Variants in PTK2 observed in about 807,000 individuals in gnomAD.
PTK2 encodes the protein protein tyrosine kinase 2.
PTK2 carries 45 observed loss-of-function variants against 150.1 expected under a neutral mutation model. The ratio of observed to expected loss-of-function variants is 0.30; its 90% CI spans 0.24 to 0.38. The LOEUF (loss-of-function observed/expected upper bound fraction) is 0.38. Among genes scored for constraint, PTK2 ranks in the 10% least tolerant of loss-of-function variants. PTK2 has a pLI of 1.00. For synonymous variants in PTK2, 432 were observed against 449.2 expected, an observed-to-expected ratio of 0.96 and a Z score of 0.48; for missense variants, 919 against 1,307.3, an observed-to-expected ratio of 0.70 and a Z score of 4.58.
chr8:140,769,704 C>A, intron 14 of PTK2, 112 bp from the exon 16 acceptor site: 8 of 602,718 alleles, frequency 1.3e-5, no homozygotes, highest in East Asian at 5.9e-5. Flanking sequence ...ACAAGTAAAC[C>A]AAAGTGTAAG....
At chr8:140,803,418 A>G (rs943041965) in intron 11 of PTK2, 125 bp downstream of exon 11, 1 of 738,114 alleles carries the variant, frequency 1.4e-6, no homozygotes, top group Admixed American at 2.3e-5. Context: ...AACCCTTTCT[A>G]TATATAAGAA....
Position 140,744,236 on chromosome 8 carries a change from G to A in PTK2, c.1634+416C>T, listed in dbSNP as rs1306747260. 3.9e-5 allele frequency among the ~76,000 whole-genome samples: 6 copies of A among 152,086 alleles called. No individual in the cohort carries two copies. The South Asian group carries it at 6.2e-4, about 16-fold the overall frequency. On this transcript the variant is annotated intron_variant, in intron 19 of 31. Transcript: ENST00000522684. The stretch of plus-strand genomic sequence containing the variant: ...GAAATTCCACAGAATGCCAACAGAT[G>A]TCACTCATAAGGTTGTGTTGTCCTG...
chr8:140,968,171 A>C (rs962756095), intron 1 of PTK2, among the ~76,000 whole-genome samples: 5 of 152,196 alleles, frequency 3.3e-5, no homozygotes, highest in Admixed American at 6.5e-5. Context: ...CAATACCCTA[A>C]AAGAGGCTGT....
chr8:140,943,577 T>C (rs935681510), intron 1 of PTK2, among the ~76,000 whole-genome samples: 1 of 152,230 alleles, frequency 6.6e-6, no homozygotes, highest in Non-Finnish European at 1.5e-5. Flanking sequence ...TCATTTCTCT[T>C]GAGTAAATAT....
intron 13 of PTK2, among the ~76,000 whole-genome samples, chr8:140,790,697 CAT>C (rs2100087913): frequency 6.6e-6 from 1 of 152,176 alleles, no homozygotes; most frequent in Non-Finnish European, 1.5e-5. Context: ...AGCAAACAGC[CAT>C]AGACTTGTGT....
chr8:140,704,430 C>T (rs1453081479), intron 24 of PTK2, among the ~76,000 whole-genome samples: 1 of 152,240 alleles, frequency 6.6e-6, no homozygotes, highest in Non-Finnish European at 1.5e-5. Flanking sequence ...GGGGCTTCCA[C>T]TGCACTGGTG....
intron 2 of PTK2, among the ~76,000 whole-genome samples, chr8:140,903,619 T>C (rs941479577): frequency 6.6e-6 from 1 of 152,206 alleles, no homozygotes; most frequent in Non-Finnish European, 1.5e-5. Context: ...ACAATATTGA[T>C]TCTTCCTACC....
chr8:140,911,229 T>C (rs1213342036), intron 2 of PTK2, among the ~76,000 whole-genome samples: 2 of 152,112 alleles, frequency 1.3e-5, no homozygotes, highest in Admixed American at 6.6e-5. Context: ...GCCTTTTTTT[T>C]CTGGCAATTT....
chr8:140,926,056 G>A lies in PTK2; in HGVS notation c.-121-307C>T, dbSNP rs75989541. Among the ~76,000 whole-genome samples, 1,059 of 152,292 alleles carry A rather than the reference G, an allele frequency of 7.0e-3. 13 individuals carry two copies. Among genetic ancestry groups the A allele is most frequent in the African/African-American group, 0.024 (992 of 41,572 alleles). ...TTACCAATGAAGAAATCGAAGCACA[G>A]AGAGGCCAGGTAACTTAAATTCACA... On this transcript the variant is annotated intron_variant, in intron 1 of 31. Transcript: ENST00000522684.
chr8:140,954,199 C>T (rs1209862349), intron 1 of PTK2, among the ~76,000 whole-genome samples: 9 of 152,134 alleles, frequency 5.9e-5, no homozygotes, highest in Non-Finnish European at 1.2e-4. Flanking sequence ...AGGCTGGTCT[C>T]GAACTCCTGA....
intron 8 of PTK2, among the ~76,000 whole-genome samples, chr8:140,824,810 T>C: frequency 6.6e-6 from 1 of 152,246 alleles, no homozygotes; most frequent in East Asian, 1.9e-4. Context: ...TTTGAACACC[T>C]GCTTGTGTTA....
intron 1 of PTK2, among the ~76,000 whole-genome samples, chr8:140,933,382 T>C (rs1295123357): frequency 6.6e-6 from 1 of 152,186 alleles, no homozygotes; most frequent in Admixed American, 6.5e-5. Context: ...TTGCATTTAC[T>C]TTTACCTTTG....
At position 140,823,437 on chromosome 8, in the gene PTK2, G is replaced by C. The variant is rs1375811670; in HGVS notation, c.649-4417C>G. 2.0e-5 allele frequency among the ~76,000 whole-genome samples: 3 copies of C among 151,716 alleles called. No individual in the cohort carries two copies. In the South Asian group the frequency reaches 6.3e-4, roughly 32 times the overall value. The stretch of plus-strand genomic sequence containing the variant: ...ACCTAAAACATTCTATGAAGTAACG[G>C]AGATAGAAGTCGAGGAAACAGAATC... On this transcript the variant is annotated intron_variant, in intron 8 of 31. Coordinates refer to ENST00000522684, the Ensembl canonical transcript of PTK2.
chr8:140,877,636 C>G (rs563164690), intron 4 of PTK2, among the ~76,000 whole-genome samples: 13 of 151,892 alleles, frequency 8.6e-5, no homozygotes, highest in Admixed American at 6.6e-4. Context: ...CCACTTATGA[C>G]GACAAGGCAT....
intron 1 of PTK2, among the ~76,000 whole-genome samples, chr8:140,999,804 G>A (rs1485563779): frequency 6.6e-6 from 1 of 151,976 alleles, no homozygotes; most frequent in East Asian, 1.9e-4. Flanking sequence ...TGTTTTTCCA[G>A]CCATGAAAAC....
intron 4 of PTK2, 184 bp downstream of exon 4, chr8:140,879,287 C>T: frequency 3.7e-6 from 2 of 533,450 alleles, no homozygotes; most frequent in Non-Finnish European, 6.0e-6. Context: ...TAATAATACC[C>T]AAAAGCTAGA....
intron 5 of PTK2, among the ~76,000 whole-genome samples, chr8:140,852,622 T>C (rs1164432874): frequency 6.6e-6 from 1 of 152,282 alleles, no homozygotes; most frequent in Admixed American, 6.5e-5. Flanking sequence ...TATTTTATTG[T>C]ATGTAAATTA....
rs567584711 is a variant in PTK2 at position 140,906,544 on chromosome 8, A to G, written c.-32-15775T>C. Among the ~76,000 whole-genome samples the G allele has an allele frequency of 2.0e-5, 3 of 152,336 alleles. No individual in the cohort carries two copies. The East Asian group carries it at 5.8e-4, about 29-fold the overall frequency. On this transcript the variant is annotated intron_variant, in intron 2 of 31. Coordinates refer to ENST00000522684, the Ensembl canonical transcript of PTK2. ...AATGGAACCAGAGGTCATTACCTTA[A>G]GTGAAATAAGCCAGGCACAGAAAGA...
chr8:140,781,888 C>A (rs2100081902), intron 14 of PTK2, among the ~76,000 whole-genome samples: 1 of 152,234 alleles, frequency 6.6e-6, no homozygotes, highest in Non-Finnish European at 1.5e-5. Flanking sequence ...CCGATCTCAA[C>A]AGTGGCAAAG....
Sources: allele counts gnomAD v4.1 joint callset (sites outside exome capture counted in the v4.1 genomes callset), GRCh38; gene constraint gnomAD v4.1.1; transcripts MANE v1.5; gene names NCBI Gene and HGNC (gene_info 2026-07-23, HGNC 2026-07-21).